Variants in WDR90 observed in about 807,000 individuals in gnomAD.
The protein encoded by WDR90 is WD repeat domain 90, also known as WD repeat-containing protein 90.
WDR90 carries 238 observed loss-of-function variants against 195.2 expected under a neutral mutation model. That is an observed-to-expected ratio of 1.22 (90% CI 1.10 to 1.36). WDR90 has a LOEUF of 1.36. Among genes scored for constraint, WDR90 ranks in the 40% most tolerant of loss-of-function variants. WDR90 has a pLI of 0.00. For missense variants in WDR90, 2,734 were observed against 2,439.5 expected (o/e 1.12, Z -2.54); for synonymous variants, 1,265 against 1,052.4 (o/e 1.20, Z -3.91).
At position 657,840 on chromosome 16, in the gene WDR90, T is replaced by C; in HGVS notation, c.2552T>C (p.Val851Ala). 6.3e-7 allele frequency: 1 copy of C among 1,586,224 alleles called. No homozygotes were observed. The highest frequency in any genetic ancestry group is 8.6e-7 in the Non-Finnish European group (1 of 1,166,966). ...VSRDGRLLAF[V>A]GPSRCTVTVM... ...AGGGATGGCCGCCTGCTGGCCTTTG[T>C]GGGACCCTCCAGGTGCACAGTGACA... is the stretch of plus-strand genomic sequence containing the variant. Residue 851 changes from valine to alanine, a missense_variant, in exon 21 of 41, where the codon GTG becomes GCG. Physicochemically the swap from Val to Ala is moderately conservative, Grantham distance 64 (BLOSUM62 0). Coordinates refer to ENST00000293879, the MANE Select transcript of WDR90 (RefSeq NM_145294.5).
intron 26 of WDR90, among the ~76,000 whole-genome samples, chr16:659,845 G>T (rs1220127103): frequency 1.3e-5 from 2 of 152,204 alleles, no homozygotes; most frequent in African/African-American, 2.4e-5. Flanking sequence ...CGGTGCAGGG[G>T]CCTGAGGACG....
intron 23 of WDR90, 90 bp from the exon 24 acceptor site, chr16:658,806 C>A (rs1054218389): frequency 7.3e-5 from 114 of 1,569,380 alleles, no homozygotes; most frequent in Non-Finnish European, 9.5e-5. Flanking sequence ...GGGCCTCACA[C>A]TGTGTGGGGC....
Position 656,492 on chromosome 16 carries a change from C to G in WDR90, c.2157C>G (p.Ser719=). ...EQRRGQLATV[S]QDRTVRIWDL... Reference sequence around the variant, plus strand: ...GGCGGGGACAGCTGGCCACCGTGTCCCAGGACCGTACCGTCCGCATCTGGG... The same window carrying G: ...GGCGGGGACAGCTGGCCACCGTGTCGCAGGACCGTACCGTCCGCATCTGGG... Residue 719 remains serine, a synonymous_variant, in exon 18 of 41, where the codon TCC becomes TCG. Coordinates refer to ENST00000293879, the MANE Select transcript of WDR90 (RefSeq NM_145294.5). 2 of 1,582,228 alleles carry G rather than the reference C, an allele frequency of 1.3e-6. No homozygotes were observed. Among genetic ancestry groups the G allele is most frequent in the Non-Finnish European group, 1.7e-6 (2 of 1,167,160 alleles).
intron 13 of WDR90, 63 bp downstream of exon 13, chr16:653,866 G>A (rs540114845): frequency 8.8e-6 from 14 of 1,584,728 alleles, no homozygotes; most frequent in Non-Finnish European, 1.2e-5. Context: ...CAGCTGGAAG[G>A]GTCTTGGTTT....
chr16:662,683 G>A lies in WDR90; in HGVS notation c.4150G>A (p.Val1384Met). 6.5e-7 allele frequency: 1 copy of A among 1,548,446 alleles called. No individual in the cohort carries two copies. Among genetic ancestry groups the A allele is most frequent in the Non-Finnish European group, 8.7e-7 (1 of 1,144,082 alleles). ...LRCKGSGASS[V>M]FMEHELVLDG... ...TCCCTGCACCCTGAGGTCCAGTTCT[G>A]TGTTCATGGAACACGAGCTGGTGCT... The change falls in exon 34 of 41, where the codon GTG becomes ATG. Residue 1384 changes from valine (V) to methionine (M), a missense_variant. By Grantham distance (21) the Val-to-Met change is conservative. Coordinates refer to ENST00000293879, the MANE Select transcript of WDR90 (RefSeq NM_145294.5).
Position 650,349 on chromosome 16 carries a change from G to T in WDR90, c.375G>T (p.Arg125Ser). 1.2e-6 allele frequency: 2 copies of T among 1,612,708 alleles called. No individual in the cohort carries two copies. The highest frequency in any genetic ancestry group is 2.2e-5 in the South Asian group (2 of 91,076). ...WLQFPLVLEA[R>S]TPQRDLVGLA... is the part of the protein sequence containing the mutation. ...AGTTTCCCTTGGTCCTGGAGGCCAGGACACCTCAGAGAGGTGACACCAAGA... is the reference window on the plus strand; with the variant it reads ...AGTTTCCCTTGGTCCTGGAGGCCAGTACACCTCAGAGAGGTGACACCAAGA... Residue 125 changes from arginine (R) to serine (S), a missense_variant, in exon 4 of 41, where the codon AGG (arginine) becomes AGT (serine). Transcript: ENST00000293879.
Position 655,475 on chromosome 16 carries a change from C to G in WDR90, c.1718+7C>G. ...AGCCCTCGGCTGCCATGCTGTGAGT[C>G]CCTGCCCTTCCCCACGGCCTGCCCC... is the stretch of plus-strand genomic sequence containing the variant. On this transcript the variant is annotated splice_region_variant and intron_variant, in intron 15 of 40. Coordinates refer to ENST00000293879, the MANE Select transcript of WDR90 (RefSeq NM_145294.5). The G allele has an allele frequency of 6.6e-7, 1 of 1,526,504 alleles. No individual in the cohort carries two copies. 94.6% of individuals were successfully genotyped at this position (1,526,504 alleles called of 1,614,324 possible). A position where few individuals can be genotyped will look rare whatever the true frequency, so the allele number is the denominator to read the frequency against.
At chr16:649,554 C>T in intron 1 of WDR90, 128 bp downstream of exon 1, 8 of 1,226,712 alleles carry the variant, frequency 6.5e-6, no homozygotes, top group Non-Finnish European at 8.3e-6. Flanking sequence ...AGGCAGGGTC[C>T]CGTCTGCCGG....
At chr16:658,467 C>T in intron 22 of WDR90, 58 bp from the exon 23 acceptor site, 2 of 1,583,790 alleles carry the variant, frequency 1.3e-6, no homozygotes, top group Non-Finnish European at 8.6e-7. Flanking sequence ...GAAGGGAGGC[C>T]CCAGGCTGCT....
At position 661,290 on chromosome 16, in the gene WDR90, C is replaced by T. The variant is rs537458745; in HGVS notation, c.3514-52C>T. 16 of 1,545,028 alleles carry T rather than the reference C, an allele frequency of 1.0e-5. 1 individual carries two copies. In the African/African-American group the frequency reaches 1.1e-4, roughly 10 times the overall value. On this transcript the variant is annotated intron_variant, in intron 29 of 40. Coordinates refer to ENST00000293879, the MANE Select transcript of WDR90 (RefSeq NM_145294.5). ...CGGAGCAGACGGCCACCCCAGCCTC[C>T]ACTCCAGCCAGCCACGGCCTCCCCA...
rs546181341 is a variant in WDR90, at chr16:654,580, C to T, written c.1438-449C>T. Reference sequence around the variant, plus strand: ...TTTTTGTATTTTTAGTAGAGATAGGCTTTCACCTTGTTAGCCAGGATGGTC... The same window carrying T: ...TTTTTGTATTTTTAGTAGAGATAGGTTTTCACCTTGTTAGCCAGGATGGTC... On this transcript the variant is annotated intron_variant, in intron 13 of 40. Coordinates refer to ENST00000293879, the MANE Select transcript of WDR90 (RefSeq NM_145294.5). 42 of 160,030 alleles carry T rather than the reference C, an allele frequency of 2.6e-4. 1 individual carries two copies. The South Asian group carries it at 4.6e-3, about 18-fold the overall frequency. The allele number at this position is 160,030 out of a possible 1,614,324, so 9.9% of individuals were successfully genotyped here.
rs772044996 is a variant in WDR90, at chr16:650,075, C to T, written c.187C>T (p.Gln63Ter). ...CATCCAGCTCCCTAAGAGCAGCACC[C>T]AGTCTCTGGGGCTGACGGGACGATA... ...NYIQLPKSST[Q>*]SLGLTGRYLY... is the part of the protein sequence containing the mutation. Residue 63 changes from glutamine to a stop codon, truncating the protein, a stop_gained, in exon 3 of 41, where the codon CAG (glutamine) becomes TAG (stop). Transcript: ENST00000293879. LOFTEE classifies it high-confidence loss of function. 24 of 1,613,070 alleles carry T rather than the reference C, an allele frequency of 1.5e-5. No individual in the cohort carries two copies. The South Asian group carries it at 2.5e-4, about 17-fold the overall frequency.
intron 33 of WDR90, 84 bp downstream of exon 33, chr16:662,415 G>T (rs1402859910): frequency 2.7e-5 from 40 of 1,480,968 alleles, no homozygotes; most frequent in Non-Finnish European, 3.4e-5. Flanking sequence ...CCCCGCCCCC[G>T]CAAAGGCCGC....
Position 650,554 on chromosome 16 carries a change from C to T in WDR90, c.404C>T (p.Ala135Val), listed in dbSNP as rs757543883. The T allele has an allele frequency of 1.8e-5, 29 of 1,609,534 alleles. No individual in the cohort carries two copies. Among genetic ancestry groups the T allele is most frequent in the Admixed American group, 1.2e-4 (7 of 59,910 alleles). The change falls in exon 5 of 41, where the codon GCC (alanine) becomes GTC (valine). Residue 135 changes from alanine (A) to valine (V), a missense_variant. Ala to Val is a moderately conservative substitution (Grantham distance 64). Transcript: ENST00000293879. ...CATCCTGCAGATCTGGTGGGTTTGG[C>T]CCCCTCCGGAGCCCGCTGGACCTGC... ...RTPQRDLVGL[A>V]PSGARWTCLQ... is the part of the protein sequence containing the mutation.
Position 650,018 on chromosome 16 carries a change from C to T in WDR90, c.130C>T (p.Arg44Cys), listed in dbSNP as rs1330389429. 6.8e-6 allele frequency: 11 copies of T among 1,612,692 alleles called. 1 individual carries two copies. The South Asian group carries it at 1.2e-4, about 18-fold the overall frequency. ...CAAGACCCTGAAGGGCGCCGTGTAT[C>T]GCATTCGGGGCTCAGTCTCTGCCGC... The part of the protein sequence containing the change: ...TDKTLKGAVY[R>C]IRGSVSAANY... The change falls in exon 3 of 41, where the codon CGC (arginine) becomes TGC (cysteine). Residue 44 changes from arginine (R) to cysteine (C), a missense_variant. Coordinates refer to ENST00000293879, the MANE Select transcript of WDR90 (RefSeq NM_145294.5).
chr16:661,485 G>C lies in WDR90; in HGVS notation c.3657G>C (p.Arg1219Ser). ...VLALAFSPDD[R>S]LLVTLGDHDG... is the part of the protein sequence containing the mutation. ...CCCTGGCCTTCTCACCAGATGACAG[G>C]CTTCTTGTCACACTGGGTCAGTGGG... is the stretch of plus-strand genomic sequence containing the variant. Residue 1219 changes from arginine to serine, a missense_variant, in exon 30 of 41, where the codon AGG (arginine) becomes AGC (serine). By Grantham distance (110) the Arg-to-Ser change is moderately radical (BLOSUM62 -1). Coordinates refer to ENST00000293879, the MANE Select transcript of WDR90 (RefSeq NM_145294.5). 6.2e-7 allele frequency: 1 copy of C among 1,606,742 alleles called. No homozygotes were observed.
At chr16:650,794 A>G in intron 5 of WDR90, 85 bp downstream of exon 5, 1 of 1,546,796 alleles carries the variant, frequency 6.5e-7, no homozygotes, top group Non-Finnish European at 8.8e-7. Flanking sequence ...TGCTTGGGAA[A>G]ATACAGTGCT....
intron 21 of WDR90, 131 bp from the exon 22 acceptor site, chr16:658,052 G>C: frequency 6.9e-7 from 1 of 1,458,848 alleles, no homozygotes; most frequent in South Asian, 1.3e-5. Context: ...GTGCGGCCAG[G>C]TTCCTGTGCA....
At chr16:658,373 C>T (rs1187236906) in intron 22 of WDR90, 29 bp downstream of exon 22, 3 of 1,608,102 alleles carry the variant, frequency 1.9e-6, no homozygotes, top group East Asian at 2.2e-5. Context: ...GCCCGCCGAC[C>T]TGGCCCTCCC....
Sources: gnomAD v4.1 joint callset for allele counts (sites outside exome capture counted in the v4.1 genomes callset) on GRCh38, gnomAD v4.1.1 for gene constraint, MANE v1.5 for transcripts, NCBI Gene and HGNC (gene_info 2026-07-23, HGNC 2026-07-21) for gene names.